BLTP2: variants seen among roughly 807,000 people sequenced by gnomAD.
BLTP2 encodes bridge-like lipid transfer protein family member 2, also known as U937-associated antigen.
chr17:28,621,361 C>T, the BLTP2 span: 2 of 1,555,746 alleles, frequency 1.3e-6, no homozygotes, highest in South Asian at 2.2e-5. Context: ...TGCACATCTG[C>T]TCCTAATCAT....
the BLTP2 span, chr17:28,623,662 A>T: frequency 1.0e-6 from 1 of 969,194 alleles, no homozygotes; most frequent in Non-Finnish European, 1.6e-6. Flanking sequence ...TATTCTGCTA[A>T]GCTAGTAACA....
At chr17:28,635,249 T>C in the BLTP2 span, 1 of 1,614,120 alleles carries the variant, frequency 6.2e-7, no homozygotes, top group Non-Finnish European at 8.5e-7. Flanking sequence ...AAGATACTAT[T>C]GCCATCAAAG....
At chr17:28,618,929 C>T in the BLTP2 span, 8 of 1,614,020 alleles carry the variant, frequency 5.0e-6, no homozygotes, top group Middle Eastern at 1.6e-4. Context: ...GCTTTCGCAG[C>T]TCCATCTTGT....
chr17:28,628,561 T>C, the BLTP2 span: 1 of 1,611,756 alleles, frequency 6.2e-7, no homozygotes, highest in Non-Finnish European at 8.5e-7. Context: ...AGAGAGCTCC[T>C]AAGAAACAGG....
chr17:28,616,855 T>C, the BLTP2 span: 3 of 1,605,972 alleles, frequency 1.9e-6, no homozygotes, highest in South Asian at 1.1e-5. The surrounding 1 kb of genome is among the most constrained non-coding windows in gnomAD (Gnocchi z 4.8). Context: ...TGAATGTCCC[T>C]TGTTCCCAGG....
At chr17:28,643,740 G>T in the BLTP2 span, 2 of 1,357,568 alleles carry the variant, frequency 1.5e-6, no homozygotes, top group Non-Finnish European at 2.1e-6. Context: ...AAATGTTCTG[G>T]ATTATTAGAA....
the BLTP2 span, chr17:28,624,217 T>C: frequency 2.5e-6 from 4 of 1,611,976 alleles, no homozygotes; most frequent in African/African-American, 4.0e-5. Context: ...TGAGGTAACT[T>C]GTAAAGAGAA....
At chr17:28,616,761 G>A in the BLTP2 span, 2 of 1,613,544 alleles carry the variant, frequency 1.2e-6, no homozygotes, top group South Asian at 1.1e-5. The surrounding 1 kb of genome is among the most constrained non-coding windows in gnomAD (Gnocchi z 4.8). Flanking sequence ...TACCTAAAAA[G>A]GAAAAAGATT....
chr17:28,615,247 C>G, the BLTP2 span: 1 of 1,601,832 alleles, frequency 6.2e-7, no homozygotes, highest in Non-Finnish European at 8.5e-7. Context: ...CTTTGATTAC[C>G]TGGCAGATTG....
the BLTP2 span, chr17:28,643,224 G>T: frequency 6.2e-7 from 1 of 1,614,130 alleles, no homozygotes; most frequent in Non-Finnish European, 8.5e-7. Context: ...CCACCCCAGC[G>T]CTCTGGGAGA....
chr17:28,638,327 G>A, the BLTP2 span: 13 of 1,613,918 alleles, frequency 8.1e-6, no homozygotes, highest in Admixed American at 1.7e-5. Flanking sequence ...CCCGCTGAAT[G>A]TGGGAGTCAC....
chr17:28,615,642 G>C, the BLTP2 span: 41 of 1,610,864 alleles, frequency 2.5e-5, no homozygotes, highest in African/African-American at 8.0e-5. Context: ...TAGCCAAACA[G>C]CCATGAGCCC....
chr17:28,640,032 C>T, the BLTP2 span: 14 of 1,612,818 alleles, frequency 8.7e-6, no homozygotes, highest in Admixed American at 3.3e-5. Flanking sequence ...GTGCCTGGAC[C>T]GAGACAGATT....
chr17:28,643,946 T>G, the BLTP2 span: 2 of 1,335,132 alleles, frequency 1.5e-6, no homozygotes. Flanking sequence ...ATGGCAAGGC[T>G]GGGATTAACT....
the BLTP2 span, chr17:28,635,532 A>G: frequency 6.2e-7 from 1 of 1,614,124 alleles, no homozygotes; most frequent in Non-Finnish European, 8.5e-7. Flanking sequence ...GGCACTGTAG[A>G]GTGGCCAGGA....
the BLTP2 span, chr17:28,614,979 A>G: frequency 7.7e-7 from 1 of 1,301,604 alleles, no homozygotes. Context: ...ATCCTCGTGG[A>G]TAACGGGAAG....
At chr17:28,642,556 CAGG>C in the BLTP2 span, 1 of 577,208 alleles carries the variant, frequency 1.7e-6, no homozygotes, top group South Asian at 2.0e-5. Flanking sequence ...GAGGCTGAGG[CAGG>C]AGAATGGTCT....
the BLTP2 span, chr17:28,633,135 C>G: frequency 6.3e-7 from 1 of 1,581,694 alleles, no homozygotes. Context: ...AGAGGTCAGG[C>G]AGGTGAAGGA....
At chr17:28,615,099 G>A in the BLTP2 span, 44 of 1,613,804 alleles carry the variant, frequency 2.7e-5, no homozygotes, top group Non-Finnish European at 3.7e-5. Context: ...TTCTTGCCAG[G>A]GTTCTTGTCG....
Sources: gnomAD v4.1 joint callset for allele counts on GRCh38, gnomAD v4.1.1 for gene constraint, Gnocchi (gnomAD v3.1) non-coding constraint, MANE v1.5 for transcripts, NCBI Gene and HGNC (gene_info 2026-07-23, HGNC 2026-07-21) for gene names.